STAG1: variants seen among roughly 807,000 people sequenced by gnomAD.
STAG1 encodes cohesin subunit SA-1.
In STAG1, 26 loss-of-function variants were observed where a neutral mutation model predicts 170.9. The ratio of observed to expected loss-of-function variants is 0.15; its 90% CI spans 0.11 to 0.21. The LOEUF (loss-of-function observed/expected upper bound fraction) is 0.21. Among genes scored for constraint, STAG1 ranks in the 10% least tolerant of loss-of-function variants. The probability of loss-of-function intolerance (pLI) is 1.00; values close to 1 mark genes in which losing one functional copy is unlikely to be tolerated. For synonymous variants in STAG1, 514 were observed against 497.7 expected (o/e 1.03, Z -0.44); for missense variants, 964 against 1,509.5 (o/e 0.64, Z 5.99).
At chr3:136,582,308 A>G (rs1937608150) in intron 4 of STAG1, among the ~76,000 whole-genome samples, 1 of 152,212 alleles carries the variant, frequency 6.6e-6, no homozygotes, top group African/African-American at 2.4e-5. Context: ...CACGGCTAGA[A>G]GAGGCTCACC....
intron 1 of STAG1, among the ~76,000 whole-genome samples, chr3:136,714,372 G>T (rs1199290218): frequency 6.6e-6 from 1 of 152,156 alleles, no homozygotes; most frequent in Non-Finnish European, 1.5e-5. Context: ...AAGGCAGGAG[G>T]ATCGTTTAAA....
At chr3:136,558,446 G>A (rs1386681587) in intron 5 of STAG1, among the ~76,000 whole-genome samples, 2 of 152,044 alleles carry the variant, frequency 1.3e-5, no homozygotes, top group Admixed American at 6.6e-5. Flanking sequence ...AGGTAACATC[G>A]CAATACAGTA....
rs57934830 is a variant in STAG1 at position 136,377,386 on chromosome 3, C to CAAAAAAAAAAAAAAAA, written c.2370+258_2370+273dup. Among the ~76,000 whole-genome samples, 86 of 42,566 alleles carry CAAAAAAAAAAAAAAAA rather than the reference C, an allele frequency of 2.0e-3. 29 individuals are homozygous for CAAAAAAAAAAAAAAAA. The highest frequency in any genetic ancestry group is 0.025 in the Middle Eastern group (1 of 40). The allele number at this position is 42,566 out of a possible 152,430, so 27.9% of individuals were successfully genotyped here. A position where few individuals can be genotyped will look rare whatever the true frequency, so the allele number is the denominator to read the frequency against. ...TGGGCGACAGAGCGAGACTCTGTCT[C>CAAAAAAAAAAAAAAAA]AAAAAAAAAAAAAAAAAAAGTCTAC... is the stretch of plus-strand genomic sequence containing the variant. On this transcript the variant is annotated intron_variant, in intron 23 of 33. Coordinates refer to ENST00000383202, the MANE Select transcript of STAG1 (RefSeq NM_005862.3).
chr3:136,603,075 G>T (rs1938748874), intron 4 of STAG1, among the ~76,000 whole-genome samples: 1 of 151,738 alleles, frequency 6.6e-6, no homozygotes, highest in African/African-American at 2.4e-5. Context: ...TAAAAAGAAA[G>T]AAACACTAAA....
chr3:136,374,736 T>C (rs1937517425), intron 23 of STAG1, among the ~76,000 whole-genome samples: 1 of 152,018 alleles, frequency 6.6e-6, no homozygotes, highest in African/African-American at 2.4e-5. Flanking sequence ...AGAATTATAG[T>C]ATGATAAGGT....
intron 15 of STAG1, among the ~76,000 whole-genome samples, chr3:136,441,701 T>C (rs1406169373): frequency 6.6e-6 from 1 of 152,154 alleles, no homozygotes; most frequent in Middle Eastern, 3.2e-3. Flanking sequence ...CATTATGCTC[T>C]TGTAATATTC....
At chr3:136,369,066 G>GT (rs761311220) in intron 24 of STAG1, 42 bp downstream of exon 24, 3 of 1,398,426 alleles carry the variant, frequency 2.1e-6, no homozygotes, top group Non-Finnish European at 2.8e-6. Flanking sequence ...TTTGGGGTTG[G>GT]TAAAAAAAAA....
intron 1 of STAG1, among the ~76,000 whole-genome samples, chr3:136,661,890 A>T (rs1941594361): frequency 6.6e-6 from 1 of 152,216 alleles, no homozygotes; most frequent in Non-Finnish European, 1.5e-5. Context: ...AAAATTAAGT[A>T]ACTTGCTCAA....
At chr3:136,673,289 T>C (rs1942033117) in intron 1 of STAG1, among the ~76,000 whole-genome samples, 1 of 152,234 alleles carries the variant, frequency 6.6e-6, no homozygotes, top group South Asian at 2.1e-4. Flanking sequence ...CTTAAAAATG[T>C]ACTGAATGAG....
intron 7 of STAG1, among the ~76,000 whole-genome samples, chr3:136,509,023 T>C (rs1251560915): frequency 1.3e-5 from 2 of 152,234 alleles, no homozygotes; most frequent in African/African-American, 4.8e-5. Context: ...ATGAGTTATC[T>C]AATAAAAGAA....
intron 7 of STAG1, among the ~76,000 whole-genome samples, chr3:136,515,170 G>C (rs976281362): frequency 6.6e-6 from 1 of 152,096 alleles, no homozygotes; most frequent in African/African-American, 2.4e-5. Flanking sequence ...TTCGAGACTA[G>C]CCTGGCTAAC....
intron 15 of STAG1, among the ~76,000 whole-genome samples, chr3:136,441,422 A>G (rs1225319481): frequency 6.6e-6 from 1 of 152,240 alleles, no homozygotes; most frequent in Non-Finnish European, 1.5e-5. Flanking sequence ...CAAATATAGC[A>G]TAATAAGCTC....
At chr3:136,568,446 T>C (rs1470656702) in intron 5 of STAG1, among the ~76,000 whole-genome samples, 1 of 152,112 alleles carries the variant, frequency 6.6e-6, no homozygotes, top group Non-Finnish European at 1.5e-5. Flanking sequence ...ATATGGAGCA[T>C]ACATACAAAT....
At chr3:136,647,278 A>T (rs1247923513) in intron 1 of STAG1, among the ~76,000 whole-genome samples, 1 of 152,134 alleles carries the variant, frequency 6.6e-6, no homozygotes. Context: ...TGAAATAAAA[A>T]TATCTTTCCT....
chr3:136,680,560 G>A (rs1942300130), intron 1 of STAG1, among the ~76,000 whole-genome samples: 1 of 151,910 alleles, frequency 6.6e-6, no homozygotes, highest in African/African-American at 2.4e-5. Context: ...GGGAAGGAAA[G>A]TTGAAAACCA....
intron 1 of STAG1, among the ~76,000 whole-genome samples, chr3:136,678,667 A>T (rs1031856297): frequency 2.0e-5 from 3 of 151,916 alleles, no homozygotes; most frequent in African/African-American, 7.2e-5. Context: ...GTAATGAAGA[A>T]CTAATGCTTT....
At chr3:136,577,653 C>A (rs1421130276) in intron 4 of STAG1, among the ~76,000 whole-genome samples, 1 of 152,090 alleles carries the variant, frequency 6.6e-6, no homozygotes, top group African/African-American at 2.4e-5. Context: ...CCAAAACCAG[C>A]CCCTGATGCC....
intron 1 of STAG1, among the ~76,000 whole-genome samples, chr3:136,703,467 G>A (rs1047844264): frequency 6.6e-6 from 1 of 152,302 alleles, no homozygotes; most frequent in East Asian, 1.9e-4. Context: ...CCTGCATGGA[G>A]GCTGACCACT....
intron 18 of STAG1, 42 bp downstream of exon 18, chr3:136,422,726 T>TAAAACTATAACAG (rs2087995209): frequency 6.5e-7 from 1 of 1,535,992 alleles, no homozygotes. Context: ...ATTCAGTTAA[T>TAAAACTATAACAG]AAAACTATAA....
Sources: allele counts gnomAD v4.1 joint callset (sites outside exome capture counted in the v4.1 genomes callset), GRCh38; gene constraint gnomAD v4.1.1; transcripts MANE v1.5; gene names NCBI Gene and HGNC (gene_info 2026-07-23, HGNC 2026-07-21).